RCL1: variants seen among roughly 807,000 people sequenced by gnomAD.
The protein encoded by RCL1 is RNA terminal phosphate cyclase like 1.
Under a neutral mutation model 42.4 loss-of-function variants are expected in RCL1, and 24 were observed. The ratio of observed to expected loss-of-function variants is 0.57; its 90% CI spans 0.41 to 0.80. The LOEUF is 0.80. RCL1 is among the 30% of genes least tolerant of loss of function. The pLI, the probability that RCL1 is intolerant of heterozygous loss-of-function variation, is 0.00. For missense variants in RCL1, 578 were observed against 467.9 expected (o/e 1.24, Z -2.17); for synonymous variants, 228 against 177.3 (o/e 1.29, Z -2.27).
chr9:4,837,091 C>G (rs1422503053), intron 5 of RCL1, among the ~76,000 whole-genome samples: 1 of 152,074 alleles, frequency 6.6e-6, no homozygotes, highest in African/African-American at 2.4e-5. Flanking sequence ...CTCTAGTATC[C>G]AAATCCGAGG....
At chr9:4,823,922 C>T (rs761055176) in intron 2 of RCL1, among the ~76,000 whole-genome samples, 4 of 151,932 alleles carry the variant, frequency 2.6e-5, no homozygotes, top group Non-Finnish European at 4.4e-5. Flanking sequence ...TAAAAAATAC[C>T]GTGTTCCGAT....
intron 1 of RCL1, among the ~76,000 whole-genome samples, chr9:4,799,274 G>A (rs560043952): frequency 1.2e-4 from 19 of 152,044 alleles, no homozygotes; most frequent in East Asian, 3.9e-4. Context: ...GTGCCTGGCC[G>A]TAAGTGCTAC....
At chr9:4,839,277 A>G (rs1236436257) in intron 5 of RCL1, among the ~76,000 whole-genome samples, 7 of 152,018 alleles carry the variant, frequency 4.6e-5, no homozygotes, top group Admixed American at 1.3e-4. Context: ...TTGTATTGGG[A>G]TGGGTGAGAG....
At chr9:4,849,757 G>A (rs1000154499) in intron 8 of RCL1, among the ~76,000 whole-genome samples, 6 of 152,124 alleles carry the variant, frequency 3.9e-5, no homozygotes, top group African/African-American at 1.4e-4. Flanking sequence ...TTAATCCCAG[G>A]TAACTGAAAT....
intron 1 of RCL1, among the ~76,000 whole-genome samples, chr9:4,811,626 C>G (rs528576502): frequency 6.6e-6 from 1 of 152,128 alleles, no homozygotes; most frequent in Non-Finnish European, 1.5e-5. Context: ...AACAGTATTC[C>G]GTTATGTATG....
chr9:4,814,285 T>TA (rs1276308181), intron 1 of RCL1, among the ~76,000 whole-genome samples: 1 of 149,586 alleles, frequency 6.7e-6, no homozygotes, highest in Non-Finnish European at 1.5e-5. Context: ...TTTTGAAATT[T>TA]AAAAAAATTT....
chr9:4,799,728 A>T (rs1243575976), intron 1 of RCL1, among the ~76,000 whole-genome samples: 1 of 152,138 alleles, frequency 6.6e-6, no homozygotes, highest in Non-Finnish European at 1.5e-5. Context: ...AAAAAGAAAA[A>T]ACTTGAAGGG....
chr9:4,812,820 G>GT (rs1468101314), intron 1 of RCL1, among the ~76,000 whole-genome samples: 6 of 151,278 alleles, frequency 4.0e-5, no homozygotes, highest in South Asian at 2.1e-4. Context: ...GTATTTTATG[G>GT]TTTTTTTTAG....
At chr9:4,834,616 A>G (rs1214283977) in intron 5 of RCL1, among the ~76,000 whole-genome samples, 3 of 152,076 alleles carry the variant, frequency 2.0e-5, no homozygotes, top group Non-Finnish European at 4.4e-5. Context: ...CGGTGAAGGA[A>G]CCAAATATGA....
At chr9:4,804,261 G>C (rs1225083264) in intron 1 of RCL1, 1 of 152,682 alleles carries the variant, frequency 6.5e-6, no homozygotes, top group Non-Finnish European at 1.5e-5. Context: ...CTTGGTAAAG[G>C]AGCTGCTATC....
At chr9:4,843,965 C>G (rs1292662757) in intron 6 of RCL1, among the ~76,000 whole-genome samples, 2 of 152,182 alleles carry the variant, frequency 1.3e-5, no homozygotes, top group Non-Finnish European at 2.9e-5. Context: ...ACTCACTGCA[C>G]CCCCTTTCCT....
intron 1 of RCL1, among the ~76,000 whole-genome samples, chr9:4,805,138 G>A (rs999752616): frequency 3.9e-5 from 6 of 152,152 alleles, no homozygotes; most frequent in African/African-American, 1.4e-4. Context: ...GGGATAGAAA[G>A]ATTAGAAATG....
chr9:4,824,956 G>C (rs761315562), intron 2 of RCL1, among the ~76,000 whole-genome samples: 8 of 152,168 alleles, frequency 5.3e-5, no homozygotes, highest in Non-Finnish European at 1.0e-4. Flanking sequence ...CCGTCAACTA[G>C]GCTGGAGTGC....
intron 1 of RCL1, among the ~76,000 whole-genome samples, chr9:4,808,269 T>C (rs1478294945): frequency 1.3e-5 from 2 of 152,202 alleles, no homozygotes; most frequent in Non-Finnish European, 2.9e-5. Flanking sequence ...TTGACTCTTT[T>C]ATTATATAAT....
intron 1 of RCL1, among the ~76,000 whole-genome samples, chr9:4,798,698 T>G (rs1257953634): frequency 6.6e-6 from 1 of 152,226 alleles, no homozygotes; most frequent in Non-Finnish European, 1.5e-5. Flanking sequence ...ATATTTTATT[T>G]CGGCCTGGTT....
chr9:4,805,963 A>G (rs756901616), intron 1 of RCL1, among the ~76,000 whole-genome samples: 19 of 151,494 alleles, frequency 1.3e-4, no homozygotes, highest in Middle Eastern at 6.9e-3. Context: ...ATGGTGTATC[A>G]TATTTTAAAT....
At chr9:4,820,208 C>T (rs955334495) in intron 1 of RCL1, among the ~76,000 whole-genome samples, 3 of 152,162 alleles carry the variant, frequency 2.0e-5, no homozygotes, top group Non-Finnish European at 4.4e-5. Context: ...GCCCCAGGAG[C>T]AGTCTTGAAG....
At chr9:4,793,292 T>A in intron 1 of RCL1, 65 bp downstream of exon 1, 2 of 1,497,108 alleles carry the variant, frequency 1.3e-6, no homozygotes, top group South Asian at 2.5e-5. Flanking sequence ...GCTGATGCCG[T>A]GGGGGCCCGC....
chr9:4,834,085 A>C (rs1428925428), intron 4 of RCL1, 56 bp from the exon 5 acceptor site: 1 of 1,576,742 alleles, frequency 6.3e-7, no homozygotes, highest in Non-Finnish European at 8.6e-7. Flanking sequence ...GCAGGGTGTC[A>C]GGGTAATCCA....
Sources: allele counts gnomAD v4.1 joint callset (sites outside exome capture counted in the v4.1 genomes callset), GRCh38; gene constraint gnomAD v4.1.1; transcripts MANE v1.5; gene names NCBI Gene and HGNC (gene_info 2026-07-23, HGNC 2026-07-21).